Variants in TCERG1 observed in about 807,000 individuals in gnomAD.
TCERG1 encodes the protein TATA box binding protein (TBP)-associated factor, RNA polymerase II, S, 150kD.
TCERG1 carries 37 observed loss-of-function variants against 144.7 expected under a neutral mutation model. That is an observed-to-expected ratio of 0.26 (90% CI 0.20 to 0.34). TCERG1 has a LOEUF of 0.34. Among genes scored for constraint, TCERG1 ranks in the 10% least tolerant of loss-of-function variants. The probability of loss-of-function intolerance (pLI) is 1.00; values close to 1 mark genes in which losing one functional copy is unlikely to be tolerated. For missense variants in TCERG1, 1,027 were observed against 1,380.7 expected (o/e 0.74, Z 4.06); for synonymous variants, 492 against 458.2 (o/e 1.07, Z -0.94).
chr5:146,475,977 G>A (rs1764806389), intron 9 of TCERG1, among the ~76,000 whole-genome samples: 1 of 151,816 alleles, frequency 6.6e-6, no homozygotes, highest in African/African-American at 2.4e-5. Context: ...TCTCATCTTT[G>A]GTCAGGAGAA....
Position 146,510,671 on chromosome 5 carries a change from A to G in TCERG1, c.*29A>G, listed in dbSNP as rs767327381. On this transcript the variant is annotated 3_prime_UTR_variant, in exon 23 of 23. Coordinates refer to ENST00000679501, the MANE Select transcript of TCERG1 (RefSeq NM_001382548.1). ...TAAATACTCTTCCATAGGGGCATCT[A>G]TTCAAAATGCTTGCATGAGCCAATT... 1.3e-6 allele frequency: 2 copies of G among 1,584,560 alleles called. No individual in the cohort carries two copies. The highest frequency in any genetic ancestry group is 2.7e-5 in the African/African-American group (2 of 73,660).
intron 14 of TCERG1, 104 bp from the exon 15 acceptor site, chr5:146,483,436 A>G: frequency 1.0e-6 from 1 of 978,978 alleles, no homozygotes; most frequent in Non-Finnish European, 1.5e-6. Flanking sequence ...GTATGGTTTT[A>G]TGTCTCCTTT....
chr5:146,467,426 A>C (rs1177338545), intron 5 of TCERG1, among the ~76,000 whole-genome samples: 1 of 152,170 alleles, frequency 6.6e-6, no homozygotes, highest in Non-Finnish European at 1.5e-5. Context: ...CTTTTCCTCT[A>C]AAAGTTTTTA....
chr5:146,503,913 C>A lies in TCERG1; in HGVS notation c.2688C>A (p.Ala896=), dbSNP rs751995530. The A allele has an allele frequency of 1.2e-4, 195 of 1,612,736 alleles. No homozygotes were observed. Among genetic ancestry groups the A allele is most frequent in the Non-Finnish European group, 8.6e-5 (102 of 1,179,524 alleles). The change falls in exon 19 of 23, where the codon GCC becomes GCA. Residue 896 remains alanine, a synonymous_variant. Transcript: ENST00000679501. ...AACGAGAAAGGGAGGTTCAAAAGGC[C>A]CGTTCAGAACAAACAAAAGAAATAG... ...LREREREVQK[A]RSEQTKEIDR...
chr5:146,459,037 C>G lies in TCERG1; in HGVS notation c.592C>G (p.Gln198Glu), dbSNP rs1439066553. 1.2e-6 allele frequency: 2 copies of G among 1,610,594 alleles called. No homozygotes were observed. Among genetic ancestry groups the G allele is most frequent in the East Asian group, 4.5e-5 (2 of 44,796 alleles). Residue 198 changes from glutamine (Q) to glutamate (E), a missense_variant, in exon 4 of 23, where the codon CAG becomes GAG. By Grantham distance (29) the Gln-to-Glu change is conservative (BLOSUM62 2). Around this residue, in one of 6 missense-constraint regions of TCERG1, gnomAD observed 48 missense variants for 80.9 expected, o/e 0.59. Coordinates refer to ENST00000679501, the MANE Select transcript of TCERG1 (RefSeq NM_001382548.1). ...GCAGGCTCAGGCCCAGGCGCAGGCT[C>G]AGGCCCAGGCACAAGCTCAGGCCCA... ...QAQAQAQAQA[Q>E]AQAQAQAQAQ...
At chr5:146,483,704 ACCAT>A in intron 15 of TCERG1, 75 bp downstream of exon 15, 1 of 1,172,584 alleles carries the variant, frequency 8.5e-7, no homozygotes, top group Non-Finnish European at 1.2e-6. Context: ...GGAATAAAGT[ACCAT>A]CCCTTTTTTT....
intron 4 of TCERG1, among the ~76,000 whole-genome samples, chr5:146,461,758 C>G (rs540472674): frequency 6.6e-6 from 1 of 152,146 alleles, no homozygotes; most frequent in African/African-American, 2.4e-5. Context: ...CAGTATAGAT[C>G]TGTGGGGTAA....
At chr5:146,503,563 T>C in intron 18 of TCERG1, 24 bp downstream of exon 18, 3 of 1,609,996 alleles carry the variant, frequency 1.9e-6, no homozygotes, top group Non-Finnish European at 2.5e-6. Context: ...TTACTTGTAT[T>C]GCTTTCATTG....
chr5:146,510,235 A>G (rs1768350426), intron 22 of TCERG1: 1 of 717,882 alleles, frequency 1.4e-6, no homozygotes, highest in Non-Finnish European at 2.1e-6. Context: ...GTGGGAGGGT[A>G]ATTCAGCTTC....
intron 19 of TCERG1, 161 bp downstream of exon 19, chr5:146,504,167 A>G (rs1767731233): frequency 2.8e-6 from 2 of 707,834 alleles, no homozygotes; most frequent in African/African-American, 3.7e-5. Context: ...TACTGTTAGT[A>G]TAGGAAAAAA....
chr5:146,479,218 T>A (rs1765119198), intron 10 of TCERG1, among the ~76,000 whole-genome samples: 1 of 152,142 alleles, frequency 6.6e-6, no homozygotes, highest in Non-Finnish European at 1.5e-5. Flanking sequence ...TAATTTGCCC[T>A]TGTGTTGATA....
chr5:146,493,036 A>G lies in TCERG1; in HGVS notation c.2280A>G (p.Pro760=), dbSNP rs368125024. ...KKMMEEAKFN[P]RATFSEFAAK... ...TGATGGAAGAAGCAAAATTTAATCC[A>G]AGGTATGTGGTTTGTTTCTCTTAAA... The change falls in exon 16 of 23, where the codon CCA becomes CCG. Residue 760 remains proline, a splice_region_variant and synonymous_variant. Transcript: ENST00000679501. 59 of 1,582,596 alleles carry G rather than the reference A, an allele frequency of 3.7e-5. No homozygotes were observed. Among genetic ancestry groups the G allele is most frequent in the Non-Finnish European group, 4.4e-5 (51 of 1,157,484 alleles).
intron 16 of TCERG1, 48 bp from the exon 17 acceptor site, chr5:146,498,488 C>T (rs1767140488): frequency 1.9e-6 from 3 of 1,556,290 alleles, no homozygotes; most frequent in African/African-American, 1.4e-5. Context: ...TGCCTTTATA[C>T]AAGCAGAAGT....
intron 14 of TCERG1, among the ~76,000 whole-genome samples, chr5:146,483,013 G>A (rs1172641585): frequency 2.0e-5 from 3 of 151,908 alleles, no homozygotes; most frequent in East Asian, 1.9e-4. Flanking sequence ...ACAGAATGGC[G>A]GACTGCTTGG....
intron 7 of TCERG1, among the ~76,000 whole-genome samples, chr5:146,470,162 A>G (rs747386494): frequency 3.3e-5 from 5 of 152,074 alleles, no homozygotes; most frequent in African/African-American, 4.8e-5. Context: ...ACAAGCTGCT[A>G]TTATTATTGT....
chr5:146,458,786 A>G, intron 3 of TCERG1, 98 bp from the exon 4 acceptor site: 1 of 1,491,912 alleles, frequency 6.7e-7, no homozygotes, highest in Non-Finnish European at 9.0e-7. Context: ...GCCCTACGTT[A>G]TTTTTAAATA....
intron 9 of TCERG1, among the ~76,000 whole-genome samples, chr5:146,477,692 CTTTTTTTTTTT>C (rs1168989847): frequency 1.3e-5 from 1 of 79,388 alleles, no homozygotes; most frequent in East Asian, 4.0e-4. Flanking sequence ...TGGTACTTTA[CTTTTTTTTTTT>C]TTTTTTTTTT....
intron 9 of TCERG1, among the ~76,000 whole-genome samples, chr5:146,472,560 G>T (rs12186419): frequency 6.6e-6 from 1 of 152,064 alleles, no homozygotes; most frequent in Admixed American, 6.5e-5. Context: ...CTGTTCCACC[G>T]ACCGGCTGTT....
chr5:146,477,641 G>A (rs1460860918), intron 9 of TCERG1, among the ~76,000 whole-genome samples: 1 of 149,108 alleles, frequency 6.7e-6, no homozygotes, highest in Non-Finnish European at 1.5e-5. Flanking sequence ...ATGGCTTGTA[G>A]TGCTTGTAGT....
Sources: gnomAD v4.1 joint callset for allele counts (sites outside exome capture counted in the v4.1 genomes callset) on GRCh38, gnomAD v4.1.1 for gene constraint, gnomAD v4.1.1 regional missense constraint, MANE v1.5 for transcripts, NCBI Gene and HGNC (gene_info 2026-07-23, HGNC 2026-07-21) for gene names.